The following DPP10 variants were observed in gnomAD, a reference collection of about 807,000 sequenced individuals.
DPP10 encodes the protein inactive dipeptidyl peptidase 10.
A neutral mutation model predicts 120.9 loss-of-function variants in DPP10; 33 were observed. The observed-to-expected ratio is 0.27, with a 90% CI of 0.21 to 0.37. The LOEUF is 0.37. Ranked by LOEUF, DPP10 falls within the 10% of genes least tolerant of loss-of-function variation. DPP10 has a pLI of 1.00. For synonymous variants in DPP10, 337 were observed against 326.1 expected (o/e 1.03, Z -0.36); for missense variants, 816 against 942.8 (o/e 0.87, Z 1.76).
chr2:115,373,945 TTG>T (rs2065600769), intron 3 of DPP10, among the ~76,000 whole-genome samples: 1 of 151,820 alleles, frequency 6.6e-6, no homozygotes, highest in Non-Finnish European at 1.5e-5. Context: ...CCATCAGATC[TTG>T]TGAGAACTTA....
At chr2:115,463,885 CT>C (rs1191290827) in intron 3 of DPP10, among the ~76,000 whole-genome samples, 1 of 152,072 alleles carries the variant, frequency 6.6e-6, no homozygotes, top group African/African-American at 2.4e-5. Context: ...AATTCCTTTT[CT>C]TTTTTTCTCC....
chr2:115,408,158 T>C (rs1205104760), intron 3 of DPP10, among the ~76,000 whole-genome samples: 1 of 152,020 alleles, frequency 6.6e-6, no homozygotes, highest in African/African-American at 2.4e-5. Flanking sequence ...ACTTAGGTGA[T>C]AGGAGTATCT....
intron 1 of DPP10, among the ~76,000 whole-genome samples, chr2:114,594,753 T>C (rs1040984634): frequency 3.9e-5 from 6 of 152,144 alleles, no homozygotes; most frequent in African/African-American, 1.4e-4. Context: ...TATTGAGAGA[T>C]AACTCAGCTG....
intron 2 of DPP10, among the ~76,000 whole-genome samples, chr2:115,318,584 T>TAAATAAAAC (rs935803162): frequency 4.6e-5 from 7 of 152,142 alleles, no homozygotes; most frequent in African/African-American, 1.7e-4. Flanking sequence ...GGAAATAATT[T>TAAATAAAAC]AAATAAAACA....
At chr2:115,420,435 A>T (rs1199763411) in intron 3 of DPP10, among the ~76,000 whole-genome samples, 1 of 152,202 alleles carries the variant, frequency 6.6e-6, no homozygotes, top group Non-Finnish European at 1.5e-5. Flanking sequence ...ACAGAGAGAA[A>T]GAGCTATTTT....
At chr2:115,330,065 G>C (rs575361920) in intron 2 of DPP10, among the ~76,000 whole-genome samples, 21 of 152,146 alleles carry the variant, frequency 1.4e-4, no homozygotes, top group African/African-American at 4.3e-4. Flanking sequence ...CAGTGTAAAA[G>C]TGTTCCTATT....
intron 1 of DPP10, among the ~76,000 whole-genome samples, chr2:115,283,900 C>T (rs1260989289): frequency 6.6e-6 from 1 of 151,986 alleles, no homozygotes; most frequent in Non-Finnish European, 1.5e-5. Context: ...GATTTGTGGT[C>T]TAGGAGCAAT....
intron 5 of DPP10, among the ~76,000 whole-genome samples, chr2:115,559,209 A>G (rs1298190077): frequency 6.6e-6 from 1 of 152,204 alleles, no homozygotes; most frequent in African/African-American, 2.4e-5. Context: ...CCTCACAGAA[A>G]TGTTACCCAA....
chr2:114,980,213 T>G (rs924389247), intron 1 of DPP10, among the ~76,000 whole-genome samples: 1 of 152,142 alleles, frequency 6.6e-6, no homozygotes, highest in African/African-American at 2.4e-5. Flanking sequence ...GATTCCTCAA[T>G]CAGACAGCCT....
intron 5 of DPP10, among the ~76,000 whole-genome samples, chr2:115,645,323 A>G (rs537948844): frequency 1.0e-3 from 152 of 152,248 alleles, no homozygotes; most frequent in African/African-American, 3.2e-3. Context: ...AGTAATTTTC[A>G]ATTTATTTAG....
At chr2:114,491,737 T>G (rs1333617203) in intron 1 of DPP10, among the ~76,000 whole-genome samples, 4 of 152,218 alleles carry the variant, frequency 2.6e-5, no homozygotes, top group African/African-American at 9.6e-5. Context: ...ACATGTCAGG[T>G]AAGTTCTAGA....
chr2:115,006,706 A>G (rs1387806629), intron 1 of DPP10, among the ~76,000 whole-genome samples: 1 of 151,922 alleles, frequency 6.6e-6, no homozygotes, highest in Non-Finnish European at 1.5e-5. Context: ...AGGAGCACCC[A>G]GATTCATAAA....
chr2:114,450,742 A>AAAAG (rs1460190220), intron 1 of DPP10, among the ~76,000 whole-genome samples: 1 of 151,222 alleles, frequency 6.6e-6, no homozygotes, highest in Admixed American at 6.6e-5. Context: ...AAAAAAAAAA[A>AAAAG]GGTTTTGCAT....
chr2:114,774,408 T>G (rs1681547288), intron 1 of DPP10, among the ~76,000 whole-genome samples: 1 of 151,484 alleles, frequency 6.6e-6, no homozygotes, highest in African/African-American at 2.4e-5. Context: ...AAAAAAAAAG[T>G]AATCTTAAGT....
At chr2:114,793,276 T>C (rs914244795) in intron 1 of DPP10, among the ~76,000 whole-genome samples, 23 of 152,128 alleles carry the variant, frequency 1.5e-4, no homozygotes, top group Non-Finnish European at 2.2e-4. Context: ...TAGGTATTTC[T>C]CCTAATGCTA....
At position 115,309,259 on chromosome 2, in the gene DPP10, T is replaced by G. The variant is rs923548519; in HGVS notation, c.81T>G (p.Pro27=). The change falls in exon 2 of 26, where the codon CCT becomes CCG. Residue 27 remains proline (P), a synonymous_variant. Coordinates refer to ENST00000410059, the MANE Select transcript of DPP10 (RefSeq NM_020868.6). ...GGTAGGAACTGGGAAGTAACAGCCC[T>G]CCACAGAGAAACTGGAAGGGAATTG... ...KTIKELGSNS[P]PQRNWKGIAI... The G allele has an allele frequency of 3.1e-6, 5 of 1,613,424 alleles. No individual in the cohort carries two copies. Among genetic ancestry groups the G allele is most frequent in the Non-Finnish European group, 4.2e-6 (5 of 1,179,544 alleles).
chr2:114,497,408 C>T (rs1480281562), intron 1 of DPP10, among the ~76,000 whole-genome samples: 8 of 112,412 alleles, frequency 7.1e-5, no homozygotes, highest in African/African-American at 2.2e-4. Flanking sequence ...TATACATATA[C>T]ACATACATAT....
At chr2:114,543,047 C>A (rs1176732558) in intron 1 of DPP10, among the ~76,000 whole-genome samples, 2 of 152,180 alleles carry the variant, frequency 1.3e-5, no homozygotes, top group East Asian at 1.9e-4. Flanking sequence ...GTTTTCACCA[C>A]AAAGACTGAG....
At chr2:115,298,418 G>A (rs1375234934) in intron 1 of DPP10, among the ~76,000 whole-genome samples, 1 of 152,032 alleles carries the variant, frequency 6.6e-6, no homozygotes, top group Admixed American at 6.6e-5. Flanking sequence ...TCCTCTGAGT[G>A]TAAGATTGTT....
Sources: gnomAD v4.1 joint callset for allele counts (sites outside exome capture counted in the v4.1 genomes callset) on GRCh38, gnomAD v4.1.1 for gene constraint, MANE v1.5 for transcripts, NCBI Gene and HGNC (gene_info 2026-07-23, HGNC 2026-07-21) for gene names.